The following PLD5 variants were observed in gnomAD, a reference collection of about 807,000 sequenced individuals.
PLD5 encodes the protein phospholipase D family member 5.
In PLD5, 36 loss-of-function variants were observed where a neutral mutation model predicts 61.1. That is an observed-to-expected ratio of 0.59 (90% CI 0.45 to 0.78). The LOEUF (loss-of-function observed/expected upper bound fraction) is 0.78. Ranked by LOEUF, PLD5 falls within the 30% of genes least tolerant of loss-of-function variation. PLD5 has a pLI of 0.00. For missense variants in PLD5, 515 were observed against 644.4 expected (o/e 0.80, Z 2.17); for synonymous variants, 243 against 242.8 (o/e 1.00, Z -0.01).
intron 5 of PLD5, 137 bp downstream of exon 5, chr1:242,219,851 G>T: frequency 8.7e-7 from 1 of 1,144,678 alleles, no homozygotes; most frequent in South Asian, 2.2e-5. Context: ...ATAAAAGGAA[G>T]ATGAGCCTCT....
intron 1 of PLD5, chr1:242,449,553 G>C (rs2102921811): frequency 6.9e-7 from 1 of 1,439,888 alleles, no homozygotes; most frequent in South Asian, 1.5e-5. Flanking sequence ...AGCACGAAGA[G>C]AGAAAGGGCT....
Position 242,462,582 on chromosome 1 carries a change from C to G in PLD5, c.189+61506G>C, listed in dbSNP as rs891269441. ...CCATGTAAAAAATCTGCACATGGAC[C>G]CCCCTGTATCTAAAATAAAAGTTGA... On this transcript the variant is annotated intron_variant, in intron 1 of 9. Coordinates refer to ENST00000536534, the MANE Select transcript of PLD5 (RefSeq NM_001372062.1). 2.0e-5 allele frequency among the ~76,000 whole-genome samples: 3 copies of G among 149,190 alleles called. No homozygotes were observed. In the Admixed American group the frequency reaches 2.0e-4, roughly 10 times the overall value.
intron 4 of PLD5, among the ~76,000 whole-genome samples, chr1:242,224,704 G>A (rs1670817047): frequency 6.6e-6 from 1 of 152,066 alleles, no homozygotes; most frequent in African/African-American, 2.4e-5. Context: ...AGACTATTCA[G>A]AGCCAACAAA....
intron 1 of PLD5, among the ~76,000 whole-genome samples, chr1:242,424,546 G>GA (rs11285496): frequency 0.013 from 1,899 of 141,652 alleles, 29 homozygotes; most frequent in African/African-American, 0.041. Flanking sequence ...CTCCCTCATA[G>GA]AAAAAAAAAA....
chr1:242,429,101 C>T (rs1396202227), intron 1 of PLD5, among the ~76,000 whole-genome samples: 1 of 152,146 alleles, frequency 6.6e-6, no homozygotes, highest in East Asian at 1.9e-4. Flanking sequence ...GTTGAATGAC[C>T]ACGAAAAAGT....
rs1353262441 is a variant in PLD5, at chr1:242,089,118, A to T, written c.*736T>A. On this transcript the variant is annotated 3_prime_UTR_variant, in exon 10 of 10. Transcript: ENST00000536534. ...TACCAATTCGGTAGGGGAAAAAAGG[A>T]TTCAGTTGAAAGGTGAAAATGAAAG... The T allele has an allele frequency of 5.1e-6, 2 of 388,582 alleles. No homozygotes were observed. The highest frequency in any genetic ancestry group is 2.1e-5 in the African/African-American group (1 of 48,434). The allele number at this position is 388,582 out of a possible 1,614,324, so 24.1% of individuals were successfully genotyped here.
chr1:242,514,250 G>T (rs1481650742), intron 1 of PLD5, among the ~76,000 whole-genome samples: 1 of 152,154 alleles, frequency 6.6e-6, no homozygotes, highest in Non-Finnish European at 1.5e-5. Context: ...TTAAGTCACT[G>T]CTCTCCCAAA....
At chr1:242,464,267 G>A (rs539023881) in intron 1 of PLD5, among the ~76,000 whole-genome samples, 3 of 152,128 alleles carry the variant, frequency 2.0e-5, no homozygotes, top group Non-Finnish European at 4.4e-5. Flanking sequence ...TGGCAAGTAA[G>A]TGCCAGTGGC....
At chr1:242,448,023 T>C (rs1666617551) in intron 1 of PLD5, among the ~76,000 whole-genome samples, 1 of 152,226 alleles carries the variant, frequency 6.6e-6, no homozygotes, top group Non-Finnish European at 1.5e-5. Context: ...TCATGCTAGA[T>C]ATGTGCATTA....
At chr1:242,487,854 A>G (rs1009103930) in intron 1 of PLD5, among the ~76,000 whole-genome samples, 3 of 152,156 alleles carry the variant, frequency 2.0e-5, no homozygotes, top group African/African-American at 7.2e-5. Flanking sequence ...TATTGTATGT[A>G]TATCATTTTG....
Position 242,265,361 on chromosome 1 carries a change from C to G in PLD5, c.583G>C (p.Val195Leu). The change falls in exon 4 of 10, where the codon GTA (valine) becomes CTA (leucine). Residue 195 changes from valine (V) to leucine (L), a missense_variant. By Grantham distance (32) the Val-to-Leu change is conservative. Around this residue, in one of 2 missense-constraint regions of PLD5, gnomAD observed 450 missense variants for 598.1 expected, o/e 0.75. Coordinates refer to ENST00000536534, the MANE Select transcript of PLD5 (RefSeq NM_001372062.1). ...LVSDVTADSK[V>L]LEALKLKGAE... ...CCCTTTAATTTCAAGGCTTCTAATA[C>G]CTTTGAATCAGCTGTTACATCACTC... 6.2e-7 allele frequency: 1 copy of G among 1,612,252 alleles called. No homozygotes were observed. Among genetic ancestry groups the G allele is most frequent in the Non-Finnish European group, 8.5e-7 (1 of 1,179,536 alleles).
rs1171181643 is a variant in PLD5, at chr1:242,207,908, A to ATATT, written c.735+12079_735+12080insAATA. Among the ~76,000 whole-genome samples, 5 of 46,570 alleles carry ATATT rather than the reference A, an allele frequency of 1.1e-4. 1 individual carries two copies. The highest frequency in any genetic ancestry group is 4.6e-4 in the African/African-American group (5 of 10,932). The allele number at this position is 46,570 out of a possible 152,430, so 30.6% of individuals were successfully genotyped here. ...TATTTATATATATTTATATATTTAT[A>ATATT]TATATTTATATATTTATATATATTT... On this transcript the variant is annotated intron_variant, in intron 5 of 9. Transcript: ENST00000536534.
intron 2 of PLD5, among the ~76,000 whole-genome samples, chr1:242,327,706 T>C (rs921374775): frequency 6.6e-6 from 1 of 152,222 alleles, no homozygotes; most frequent in African/African-American, 2.4e-5. Flanking sequence ...CATATGAAGT[T>C]CAGTGCACTT....
At chr1:242,458,846 G>A (rs1203720445) in intron 1 of PLD5, among the ~76,000 whole-genome samples, 1 of 152,158 alleles carries the variant, frequency 6.6e-6, no homozygotes, top group Non-Finnish European at 1.5e-5. Flanking sequence ...CAGGCCTTGG[G>A]AATCTTTCCC....
At chr1:242,463,700 T>C (rs1667189428) in intron 1 of PLD5, among the ~76,000 whole-genome samples, 1 of 152,020 alleles carries the variant, frequency 6.6e-6, no homozygotes, top group Non-Finnish European at 1.5e-5. Flanking sequence ...AGGCAGTGCC[T>C]CTACTTATAC....
In PLD5 at chr1:242,497,739, T is replaced by C. The variant is rs1668417222; in HGVS notation, c.189+26349A>G. 2.0e-5 allele frequency among the ~76,000 whole-genome samples: 3 copies of C among 152,232 alleles called. No homozygotes were observed. The South Asian group carries it at 6.2e-4, about 31-fold the overall frequency. On this transcript the variant is annotated intron_variant, in intron 1 of 9. Transcript: ENST00000536534. ...AAAAACTGCTCGACAAATACAGCTC[T>C]GCTTTCTATCGGGTCTTTATGTGTC...
intron 1 of PLD5, among the ~76,000 whole-genome samples, chr1:242,370,826 T>G (rs1661593540): frequency 6.6e-6 from 1 of 151,400 alleles, no homozygotes; most frequent in African/African-American, 2.4e-5. Context: ...TGGTCTTTGA[T>G]AAGGTGAGGG....
chr1:242,263,487 A>G (rs1206778924), intron 4 of PLD5, among the ~76,000 whole-genome samples: 6 of 150,868 alleles, frequency 4.0e-5, no homozygotes, highest in Non-Finnish European at 5.9e-5. Flanking sequence ...GTAGAGAAAT[A>G]CAATAACTGT....
At chr1:242,488,927 T>A (rs1668051513) in intron 1 of PLD5, among the ~76,000 whole-genome samples, 1 of 152,182 alleles carries the variant, frequency 6.6e-6, no homozygotes, top group Non-Finnish European at 1.5e-5. Context: ...TTTAAAATTA[T>A]AGTACTGATG....
Sources: gnomAD v4.1 joint callset for allele counts (sites outside exome capture counted in the v4.1 genomes callset) on GRCh38, gnomAD v4.1.1 for gene constraint, gnomAD v4.1.1 regional missense constraint, MANE v1.5 for transcripts, NCBI Gene and HGNC (gene_info 2026-07-23, HGNC 2026-07-21) for gene names.